EYS: variants seen among roughly 807,000 people sequenced by gnomAD.
The protein encoded by EYS is EGF-like photoreceptor maintenance factor, also known as protein eyes shut homolog.
Under a neutral mutation model 282.1 loss-of-function variants are expected in EYS, and 250 were observed. The observed-to-expected ratio is 0.89, with a 90% CI of 0.80 to 0.98. The LOEUF (loss-of-function observed/expected upper bound fraction) is 0.98, where lower values mean the gene tolerates loss of function less well. EYS is among the 50% of genes least tolerant of loss of function. EYS has a pLI of 0.00. For missense variants in EYS, 4,016 were observed against 3,709.0 expected (o/e 1.08, Z -2.15); for synonymous variants, 1,355 against 1,282.9 (o/e 1.06, Z -1.20).
At chr6:63,976,313 C>A (rs1766835632) in intron 35 of EYS, among the ~76,000 whole-genome samples, 1 of 152,016 alleles carries the variant, frequency 6.6e-6, no homozygotes, top group Non-Finnish European at 1.5e-5. Context: ...ACAATAGCCA[C>A]AACATCACCA....
At chr6:64,327,668 C>T (rs1353028239) in intron 29 of EYS, among the ~76,000 whole-genome samples, 1 of 152,064 alleles carries the variant, frequency 6.6e-6, no homozygotes, top group Non-Finnish European at 1.5e-5. Flanking sequence ...ACTCTAATGG[C>T]CCAGATAAAA....
rs548522301 is a variant in EYS at position 65,040,941 on chromosome 6, A to G, written c.2137+16673T>C. 1.4e-3 allele frequency among the ~76,000 whole-genome samples: 214 copies of G among 151,868 alleles called. 1 individual carries two copies. The highest frequency in any genetic ancestry group is 2.5e-3 in the Non-Finnish European group (167 of 67,770). ...AAATTAAACTCTTTTCTACCTATAAATATCTTATCACACTGGAATTCACTT... is the reference window on the plus strand; with the variant it reads ...AAATTAAACTCTTTTCTACCTATAAGTATCTTATCACACTGGAATTCACTT... On this transcript the variant is annotated intron_variant, in intron 13 of 42. Transcript: ENST00000503581.
intron 26 of EYS, among the ~76,000 whole-genome samples, chr6:64,443,822 G>A (rs184661550): frequency 9.2e-5 from 14 of 152,202 alleles, no homozygotes; most frequent in African/African-American, 2.4e-5. Context: ...GGAACTGTAA[G>A]TCCAATAAAA....
intron 31 of EYS, among the ~76,000 whole-genome samples, chr6:64,136,755 A>T (rs1281781517): frequency 6.6e-6 from 1 of 152,134 alleles, no homozygotes; most frequent in East Asian, 1.9e-4. Context: ...TTGTAAACAG[A>T]TGTGCCATAA....
intron 22 of EYS, among the ~76,000 whole-genome samples, chr6:64,695,054 A>G (rs939681728): frequency 1.3e-5 from 2 of 151,888 alleles, no homozygotes; most frequent in Non-Finnish European, 2.9e-5. Flanking sequence ...TCTATGGAAC[A>G]TTATTCTAGG....
intron 8 of EYS, among the ~76,000 whole-genome samples, chr6:65,370,437 T>C (rs1197680099): frequency 6.8e-6 from 1 of 146,298 alleles, no homozygotes; most frequent in African/African-American, 2.5e-5. Context: ...AAAAAAAAAA[T>C]AGAAATTGCA....
At chr6:63,798,983 G>GTA (rs1770711441) in intron 37 of EYS, among the ~76,000 whole-genome samples, 1 of 102,032 alleles carries the variant, frequency 9.8e-6, no homozygotes, top group Admixed American at 1.1e-4. Context: ...ATATGTATAT[G>GTA]TGTGTATATA....
intron 11 of EYS, 92 bp from the exon 12 acceptor site, chr6:65,296,211 GAAAT>G: frequency 8.2e-7 from 1 of 1,220,088 alleles, no homozygotes; most frequent in Non-Finnish European, 1.1e-6. Flanking sequence ...TAAAAACACA[GAAAT>G]AAATATTTAA....
chr6:63,736,408 A>G (rs1293525702), intron 41 of EYS, among the ~76,000 whole-genome samples: 4 of 151,800 alleles, frequency 2.6e-5, no homozygotes, highest in Admixed American at 6.6e-5. Flanking sequence ...GATATGTGGC[A>G]TTATTTCTGA....
chr6:64,645,227 G>A (rs1485498812), intron 22 of EYS, among the ~76,000 whole-genome samples: 4 of 152,136 alleles, frequency 2.6e-5, no homozygotes, highest in Non-Finnish European at 2.9e-5. Flanking sequence ...ATCATTATCC[G>A]AGCAATGAAA....
chr6:63,977,328 T>G (rs1212295099), intron 35 of EYS, among the ~76,000 whole-genome samples: 1 of 151,954 alleles, frequency 6.6e-6, no homozygotes, highest in African/African-American at 2.4e-5. Flanking sequence ...TTAGCTGTTT[T>G]GAAACATGCA....
chr6:65,270,398 C>T (rs533329060), intron 12 of EYS, among the ~76,000 whole-genome samples: 5 of 152,080 alleles, frequency 3.3e-5, no homozygotes, highest in Admixed American at 6.6e-5. Context: ...GTGGCCCTAC[C>T]CTCACAGTTT....
intron 28 of EYS, among the ~76,000 whole-genome samples, chr6:64,399,164 A>G (rs1050908673): frequency 5.9e-5 from 9 of 151,750 alleles, no homozygotes; most frequent in African/African-American, 2.2e-4. Context: ...AAGATATCAA[A>G]TATATTTATT....
intron 22 of EYS, among the ~76,000 whole-genome samples, chr6:64,680,620 A>T (rs1769864235): frequency 6.6e-6 from 1 of 152,228 alleles, no homozygotes; most frequent in African/African-American, 2.4e-5. Context: ...GATCCTGGTT[A>T]GTGTGACTAA....
intron 31 of EYS, among the ~76,000 whole-genome samples, chr6:64,112,730 T>A (rs1240253908): frequency 3.3e-5 from 5 of 149,302 alleles, no homozygotes; most frequent in Admixed American, 3.3e-4. Context: ...TTACTTAATT[T>A]TTATTATATA....
chr6:64,886,581 A>T (rs1445292151), intron 19 of EYS, 116 bp downstream of exon 19: 4 of 679,758 alleles, frequency 5.9e-6, no homozygotes, highest in Non-Finnish European at 8.9e-6. Flanking sequence ...ATCTCTTGAC[A>T]TTTTTGCCCT....
At chr6:63,864,136 C>T in intron 36 of EYS, 50 bp downstream of exon 36, 4 of 1,405,810 alleles carry the variant, frequency 2.8e-6, no homozygotes, top group Non-Finnish European at 3.8e-6. Flanking sequence ...TTTCTATCCT[C>T]TTCACCTCTT....
In EYS at chr6:64,886,751, T is replaced by G; in HGVS notation, c.2938A>C (p.Asn980His). 2 of 1,547,854 alleles carry G rather than the reference T, an allele frequency of 1.3e-6. No homozygotes were observed. Among genetic ancestry groups the G allele is most frequent in the Non-Finnish European group, 1.7e-6 (2 of 1,144,844 alleles). The change falls in exon 19 of 43, where the codon AAT (asparagine) becomes CAT (histidine). Residue 980 changes from asparagine (N) to histidine (H), a missense_variant. Physicochemically the swap from Asn to His is moderately conservative, Grantham distance 68. Coordinates refer to ENST00000503581, the MANE Select transcript of EYS (RefSeq NM_001142800.2). ...CKISPCLDEE[N>H]CVYRTDGYNC... The stretch of plus-strand genomic sequence containing the variant: ...TATCCATCAGTCCTGTAGACACAAT[T>G]TTCTTCATCTAGACAAGGTGAGATT...
At chr6:64,702,095 A>T (rs1347353233) in intron 22 of EYS, among the ~76,000 whole-genome samples, 1 of 151,976 alleles carries the variant, frequency 6.6e-6, no homozygotes, top group African/African-American at 2.4e-5. Context: ...CTTCACCTAC[A>T]TATGAATAAA....
Sources: allele counts gnomAD v4.1 joint callset (sites outside exome capture counted in the v4.1 genomes callset), GRCh38; gene constraint gnomAD v4.1.1; transcripts MANE v1.5; gene names NCBI Gene and HGNC (gene_info 2026-07-23, HGNC 2026-07-21).